AQP7B: variants seen among roughly 807,000 people sequenced by gnomAD.
AQP7B encodes aquaporin 7B.
At chr2:94,594,914 G>C in the AQP7B span, 1 of 1,221,308 alleles carries the variant, frequency 8.2e-7, no homozygotes, top group Non-Finnish European at 1.2e-6. Flanking sequence ...GGCTCCACCA[G>C]GGCTGTCCAT....
chr2:94,598,770 T>C, the AQP7B span, among the ~76,000 whole-genome samples: 1 of 152,200 alleles, frequency 6.6e-6, no homozygotes, highest in African/African-American at 2.4e-5. Flanking sequence ...ACACAGGGAA[T>C]CATGTGGGGT....
At chr2:94,591,658 C>T in the AQP7B span, among the ~76,000 whole-genome samples, 1 of 152,170 alleles carries the variant, frequency 6.6e-6, no homozygotes, top group Admixed American at 6.5e-5. Context: ...CCTCTCTGCC[C>T]ATCTCATGCC....
the AQP7B span, among the ~76,000 whole-genome samples, chr2:94,589,875 C>T: frequency 6.6e-6 from 1 of 152,116 alleles, no homozygotes; most frequent in Admixed American, 6.6e-5. Context: ...CTTGATACTT[C>T]CCTCTCCCCC....
At chr2:94,588,413 C>A in the AQP7B span, 1 of 614,162 alleles carries the variant, frequency 1.6e-6, no homozygotes, top group South Asian at 1.9e-5. Flanking sequence ...CCCAGGGCTT[C>A]TCCCCTGGGG....
At chr2:94,603,763 G>A in the AQP7B span, 5 of 1,529,088 alleles carry the variant, frequency 3.3e-6, no homozygotes, top group African/African-American at 2.7e-5. Context: ...CACGGACCAG[G>A]AGAACAACCC....
chr2:94,602,448 G>T, the AQP7B span: 3 of 1,575,574 alleles, frequency 1.9e-6, no homozygotes, highest in Non-Finnish European at 2.6e-6. Flanking sequence ...CTCTGAGGTT[G>T]GGGCTTCTGG....
chr2:94,593,716 C>G, the AQP7B span, among the ~76,000 whole-genome samples: 266 of 152,050 alleles, frequency 1.7e-3, 7 homozygotes, highest in East Asian at 0.046. Flanking sequence ...GAACTCCCAA[C>G]CTCAGGTGAT....
chr2:94,587,315 G>C, the AQP7B span: 1 of 153,036 alleles, frequency 6.5e-6, no homozygotes, highest in African/African-American at 2.4e-5. Flanking sequence ...GGTGGAAGCT[G>C]AGCCAGGGAC....
the AQP7B span, chr2:94,603,634 G>T: frequency 6.1e-6 from 8 of 1,311,322 alleles, no homozygotes; most frequent in East Asian, 1.0e-4. Flanking sequence ...CTGCTGGTGG[G>T]CTTGGGTCTG....
the AQP7B span, among the ~76,000 whole-genome samples, chr2:94,596,941 C>T: frequency 6.6e-6 from 1 of 152,180 alleles, no homozygotes; most frequent in African/African-American, 2.4e-5. Flanking sequence ...TTCAGGTGAC[C>T]TTCCTGCCTC....
the AQP7B span, among the ~76,000 whole-genome samples, chr2:94,595,970 A>G: frequency 6.6e-6 from 1 of 152,192 alleles, no homozygotes; most frequent in Non-Finnish European, 1.5e-5. Flanking sequence ...CAGAAAGAGA[A>G]AAGGATGGTT....
At chr2:94,595,297 T>A in the AQP7B span, among the ~76,000 whole-genome samples, 1 of 152,074 alleles carries the variant, frequency 6.6e-6, no homozygotes, top group South Asian at 2.1e-4. Flanking sequence ...TAGCTGGGCA[T>A]GGTGGCGGAC....
chr2:94,592,704 G>T, the AQP7B span, among the ~76,000 whole-genome samples: 1 of 150,808 alleles, frequency 6.6e-6, no homozygotes, highest in East Asian at 2.0e-4. Flanking sequence ...AACCAGCCAA[G>T]GAACCAAAGA....
chr2:94,594,408 C>T, the AQP7B span, among the ~76,000 whole-genome samples: 10 of 152,222 alleles, frequency 6.6e-5, no homozygotes, highest in Non-Finnish European at 1.5e-4. Flanking sequence ...CTGCTCTCTC[C>T]CACCCTGCTT....
chr2:94,604,621 G>A, the AQP7B span: 1 of 1,501,644 alleles, frequency 6.7e-7, no homozygotes, highest in Non-Finnish European at 9.0e-7. Context: ...AGCAAAGCTT[G>A]TCCCACAGCA....
the AQP7B span, chr2:94,588,566 T>A: frequency 2.6e-6 from 2 of 755,736 alleles, no homozygotes; most frequent in Non-Finnish European, 4.5e-6. Context: ...CCCACCCTCT[T>A]CTCACCCTCC....
chr2:94,600,697 G>T, the AQP7B span, among the ~76,000 whole-genome samples: 1 of 152,096 alleles, frequency 6.6e-6, no homozygotes, highest in Non-Finnish European at 1.5e-5. Flanking sequence ...GGCCAACATC[G>T]TGAAACCCTG....
chr2:94,590,628 G>GT, the AQP7B span, among the ~76,000 whole-genome samples: 8 of 152,080 alleles, frequency 5.3e-5, no homozygotes, highest in African/African-American at 1.9e-4. Context: ...CAGTTAGTTG[G>GT]TTTTTGATAG....
At chr2:94,604,290 A>T in the AQP7B span, 5 of 1,601,672 alleles carry the variant, frequency 3.1e-6, no homozygotes, top group Non-Finnish European at 8.5e-7. Flanking sequence ...GCCTGCAGCG[A>T]TGGGGAGAAC....
Sources: gnomAD v4.1 joint callset for allele counts (sites outside exome capture counted in the v4.1 genomes callset) on GRCh38, gnomAD v4.1.1 for gene constraint, MANE v1.5 for transcripts, NCBI Gene and HGNC (gene_info 2026-07-23, HGNC 2026-07-21) for gene names.